Variants in ABCC4 observed in about 807,000 individuals in gnomAD.
ABCC4 encodes ATP binding cassette subfamily C member 4 (PEL blood group), also known as ATP-binding cassette sub-family C member 4.
Under a neutral mutation model 168.5 loss-of-function variants are expected in ABCC4, and 102 were observed. That is an observed-to-expected ratio of 0.61 (90% confidence interval 0.52 to 0.71). ABCC4 has a LOEUF of 0.71. Ranked by LOEUF, ABCC4 falls within the 30% of genes least tolerant of loss-of-function variation. The probability of loss-of-function intolerance (pLI) is 0.00; values close to 1 mark genes in which losing one functional copy is unlikely to be tolerated. For synonymous variants in ABCC4, 617 were observed against 590.7 expected (o/e 1.04, Z -0.65); for missense variants, 1,402 against 1,605.8 (o/e 0.87, Z 2.17).
At chr13:95,268,436 C>G (rs888795657) in intron 1 of ABCC4, among the ~76,000 whole-genome samples, 1 of 152,148 alleles carries the variant, frequency 6.6e-6, no homozygotes, top group African/African-American at 2.4e-5. Flanking sequence ...GCCCAACACC[C>G]TAAAGGGTCT....
Position 95,051,753 on chromosome 13 carries a change from G to A in ABCC4, c.3456+1342C>T, listed in dbSNP as rs553653966. 7.2e-5 allele frequency among the ~76,000 whole-genome samples: 11 copies of A among 152,072 alleles called. 1 individual carries two copies. Among genetic ancestry groups the A allele is most frequent in the Middle Eastern group, 3.4e-3 (1 of 292 alleles). On this transcript the variant is annotated intron_variant, in intron 27 of 30. Transcript: ENST00000645237. ...ACAATGTTGGCTCACCACAACCTCCGCCTCCCAGGTTCAAGCAATTCTCCT... is the reference window on the plus strand; with the variant it reads ...ACAATGTTGGCTCACCACAACCTCCACCTCCCAGGTTCAAGCAATTCTCCT...
At chr13:95,229,981 TAGCTAAAA>T (rs2039574017) in intron 4 of ABCC4, among the ~76,000 whole-genome samples, 1 of 152,160 alleles carries the variant, frequency 6.6e-6, no homozygotes, top group Non-Finnish European at 1.5e-5. Flanking sequence ...GTGTCCCAGA[TAGCTAAAA>T]AGTAAAAACA....
At position 95,100,861 on chromosome 13, in the gene ABCC4, G is replaced by C. The variant is rs1327920458; in HGVS notation, c.2535+15061C>G. On this transcript the variant is annotated intron_variant, in intron 20 of 30. Transcript: ENST00000645237. The stretch of plus-strand genomic sequence containing the variant: ...GTCCAATGGGGATTTGAGGGTAGGA[G>C]TTGGGGGAAGGGGTGAACAAACCTC... 2.6e-5 allele frequency among the ~76,000 whole-genome samples: 4 copies of C among 152,218 alleles called. No individual in the cohort carries two copies. The East Asian group carries it at 7.7e-4, about 29-fold the overall frequency.
intron 23 of ABCC4, 122 bp from the exon 24 acceptor site, chr13:95,073,426 A>G: frequency 3.5e-6 from 2 of 568,196 alleles, no homozygotes; most frequent in Non-Finnish European, 6.0e-6. Flanking sequence ...AATGACATTA[A>G]TAGCTATACT....
chr13:95,081,269 T>C (rs939395967), intron 21 of ABCC4, among the ~76,000 whole-genome samples: 5 of 152,088 alleles, frequency 3.3e-5, no homozygotes, highest in Non-Finnish European at 7.3e-5. Context: ...GTCCCCCTTT[T>C]CTCCACATCC....
intron 26 of ABCC4, among the ~76,000 whole-genome samples, chr13:95,059,865 C>T (rs2033219963): frequency 6.6e-6 from 1 of 152,134 alleles, no homozygotes; most frequent in Non-Finnish European, 1.5e-5. Flanking sequence ...AACATGTTCT[C>T]ATCTAGTAAA....
At position 95,300,299 on chromosome 13, in the gene ABCC4, A is replaced by T. The variant is rs117454266; in HGVS notation, c.74+942T>A. ...ACCACCTGCATCAAGACCATGGATC[A>T]CCTCTCTGAAGGTTAGCGATTCCAG... is the stretch of plus-strand genomic sequence containing the variant. On this transcript the variant is annotated intron_variant, in intron 1 of 30. Coordinates refer to ENST00000645237, the MANE Select transcript of ABCC4 (RefSeq NM_005845.5). 5.6e-4 allele frequency among the ~76,000 whole-genome samples: 85 copies of T among 151,968 alleles called. 2 individuals are homozygous for T. The East Asian group carries it at 0.015, about 28-fold the overall frequency.
chr13:95,131,343 C>T (rs2035954771), intron 19 of ABCC4, among the ~76,000 whole-genome samples: 1 of 151,992 alleles, frequency 6.6e-6, no homozygotes, highest in Non-Finnish European at 1.5e-5. Flanking sequence ...GGAAGAGTTG[C>T]CCAGCCAGGC....
intron 4 of ABCC4, among the ~76,000 whole-genome samples, chr13:95,226,119 A>AGAATTACTTCTGC (rs1007873020): frequency 3.3e-5 from 5 of 151,006 alleles, no homozygotes; most frequent in African/African-American, 1.2e-4. Flanking sequence ...GCCCTGTTGG[A>AGAATTACTTCTGC]GAATTACTTC....
chr13:95,086,436 G>A (rs1050490566), intron 20 of ABCC4, among the ~76,000 whole-genome samples: 7 of 152,112 alleles, frequency 4.6e-5, no homozygotes, highest in African/African-American at 1.7e-4. Flanking sequence ...GAATGGTAGT[G>A]AAAAATATAA....
intron 19 of ABCC4, among the ~76,000 whole-genome samples, chr13:95,126,457 A>C (rs1351913759): frequency 1.3e-5 from 2 of 152,052 alleles, no homozygotes; most frequent in Admixed American, 6.6e-5. Context: ...TCTAATCCAC[A>C]TACAAGTATA....
intron 1 of ABCC4, among the ~76,000 whole-genome samples, chr13:95,294,153 C>T (rs555768966): frequency 6.6e-6 from 1 of 151,704 alleles, no homozygotes. Context: ...ACCAGCCTGG[C>T]CAACACAGCA....
chr13:95,242,811 G>A (rs2039983693), intron 3 of ABCC4, among the ~76,000 whole-genome samples: 1 of 152,068 alleles, frequency 6.6e-6, no homozygotes, highest in African/African-American at 2.4e-5. Context: ...AGTGTCAATA[G>A]GCAAGGCTGG....
At chr13:95,105,511 ATACCTTAACTTT>A (rs1345703783) in intron 20 of ABCC4, among the ~76,000 whole-genome samples, 1 of 152,218 alleles carries the variant, frequency 6.6e-6, no homozygotes, top group East Asian at 1.9e-4. Flanking sequence ...TTAGAAGTTA[ATACCTTAACTTT>A]CAGTTTCACT....
At chr13:95,196,641 G>A (rs1213506292) in intron 8 of ABCC4, among the ~76,000 whole-genome samples, 11 of 8,024 alleles carry the variant, frequency 1.4e-3, no homozygotes, top group East Asian at 3.7e-3. Flanking sequence ...AGGAAGGAAG[G>A]AAGGAAGGAA....
intron 1 of ABCC4, among the ~76,000 whole-genome samples, chr13:95,285,617 T>C (rs1196693992): frequency 6.6e-6 from 1 of 152,104 alleles, no homozygotes; most frequent in East Asian, 1.9e-4. Context: ...AATGGATGGG[T>C]TTTCAGGGAG....
chr13:95,045,151 A>G (rs753665885), intron 27 of ABCC4, among the ~76,000 whole-genome samples: 1 of 152,230 alleles, frequency 6.6e-6, no homozygotes, highest in Non-Finnish European at 1.5e-5. Context: ...TTCTCAAAAA[A>G]TGAAGCTCAT....
At chr13:95,177,231 CT>C (rs2037733608) in intron 13 of ABCC4, among the ~76,000 whole-genome samples, 1 of 152,152 alleles carries the variant, frequency 6.6e-6, no homozygotes, top group South Asian at 2.1e-4. Flanking sequence ...GCAACAAAGC[CT>C]TCCCAAGAAA....
intron 26 of ABCC4, among the ~76,000 whole-genome samples, chr13:95,061,858 T>G (rs1243401940): frequency 6.6e-6 from 1 of 152,162 alleles, no homozygotes; most frequent in Non-Finnish European, 1.5e-5. Context: ...ACTATACACC[T>G]GGAGAATAGT....
Sources: allele counts gnomAD v4.1 joint callset (sites outside exome capture counted in the v4.1 genomes callset), GRCh38; gene constraint gnomAD v4.1.1; transcripts MANE v1.5; gene names NCBI Gene and HGNC (gene_info 2026-07-23, HGNC 2026-07-21).